LEPR: variants seen among roughly 807,000 people sequenced by gnomAD.
LEPR encodes the protein leptin receptor.
A neutral mutation model predicts 114.7 loss-of-function variants in LEPR; 56 were observed. That is an observed-to-expected ratio of 0.49 (90% CI 0.39 to 0.61). LEPR has a LOEUF of 0.61. Among genes scored for constraint, LEPR ranks in the 20% least tolerant of loss-of-function variants. The pLI is 0.00. For missense variants in LEPR, 1,202 were observed against 1,352.9 expected (o/e 0.89, Z 1.75); for synonymous variants, 443 against 461.4 (o/e 0.96, Z 0.51).
intron 12 of LEPR, 113 bp from the exon 13 acceptor site, chr1:65,609,834 C>A: frequency 1.4e-6 from 2 of 1,403,914 alleles, no homozygotes; most frequent in Non-Finnish European, 2.0e-6. Context: ...AACACAGAAT[C>A]AGTTCTCTTA....
Position 65,529,384 on chromosome 1 carries a change from T to G in LEPR, c.-20-36162T>G, listed in dbSNP as rs117215598. ...AAATATAAAAAAATTTATCCAGACC[T>G]GGTGGCAGGCGCCTGTAATCCCAGC... On this transcript the variant is annotated intron_variant, in intron 2 of 19. Transcript: ENST00000349533. Among the ~76,000 whole-genome samples the G allele has an allele frequency of 3.8e-4, 57 of 151,920 alleles. No homozygotes were observed. In the East Asian group the frequency reaches 0.011, roughly 29 times the overall value.
chr1:65,429,932 G>C (rs745942959), intron 2 of LEPR: 55 of 1,558,812 alleles, frequency 3.5e-5, no homozygotes, highest in Non-Finnish European at 4.8e-5. Context: ...TGCCAAAAGA[G>C]TCACCTATGA....
At chr1:65,588,252 T>C (rs1406095367) in intron 5 of LEPR, among the ~76,000 whole-genome samples, 1 of 152,060 alleles carries the variant, frequency 6.6e-6, no homozygotes, top group Non-Finnish European at 1.5e-5. Context: ...CTTGGTTGCA[T>C]GCTATTATTT....
chr1:65,425,834 A>G (rs543779325), intron 2 of LEPR, among the ~76,000 whole-genome samples: 2 of 152,214 alleles, frequency 1.3e-5, no homozygotes, highest in Non-Finnish European at 2.9e-5. Context: ...TGGATGAATA[A>G]GAGTTTTTCA....
rs143903815 is a variant in LEPR at position 65,600,756 on chromosome 1, C to T, written c.995-636C>T. 1.5e-3 allele frequency among the ~76,000 whole-genome samples: 234 copies of T among 152,102 alleles called. 1 individual carries two copies. Among genetic ancestry groups the T allele is most frequent in the Middle Eastern group, 0.01 (3 of 294 alleles). ...AAAAAATCATGTTTTAGGAAAATAT[C>T]GCTTCCCTTTACCCTCATCCATAGG... On this transcript the variant is annotated intron_variant, in intron 8 of 19. Coordinates refer to ENST00000349533, the MANE Select transcript of LEPR (RefSeq NM_002303.6).
intron 2 of LEPR, among the ~76,000 whole-genome samples, chr1:65,503,756 A>C (rs1460535807): frequency 2.6e-5 from 4 of 151,782 alleles, no homozygotes; most frequent in Admixed American, 6.6e-5. Context: ...ACGTTTACAT[A>C]TAGAAATATT....
At chr1:65,550,478 G>A (rs61779853) in intron 2 of LEPR, among the ~76,000 whole-genome samples, 1 of 152,232 alleles carries the variant, frequency 6.6e-6, no homozygotes, top group South Asian at 2.1e-4. Flanking sequence ...CCCAGTTCGA[G>A]CTTCCTGGCT....
At chr1:65,478,912 G>A (rs954358864) in intron 2 of LEPR, among the ~76,000 whole-genome samples, 2 of 152,142 alleles carry the variant, frequency 1.3e-5, no homozygotes, top group African/African-American at 4.8e-5. Flanking sequence ...AAGGAGTGGA[G>A]AAGAAAAAAA....
intron 2 of LEPR, among the ~76,000 whole-genome samples, chr1:65,499,228 A>T (rs930788835): frequency 1.3e-5 from 2 of 152,126 alleles, no homozygotes; most frequent in African/African-American, 4.8e-5. Context: ...CATAGGAAAG[A>T]TGGGGGGAAA....
intron 2 of LEPR, among the ~76,000 whole-genome samples, chr1:65,558,439 C>T (rs1652983477): frequency 7.1e-6 from 1 of 141,744 alleles, no homozygotes; most frequent in Non-Finnish European, 1.5e-5. Context: ...CATGTGGTGC[C>T]AATTCTCACT....
chr1:65,465,296 C>G (rs1208310496), intron 2 of LEPR, among the ~76,000 whole-genome samples: 1 of 152,186 alleles, frequency 6.6e-6, no homozygotes, highest in Non-Finnish European at 1.5e-5. Flanking sequence ...TGTAGTCATT[C>G]AGGAGCAAGT....
At chr1:65,541,729 A>G (rs1048562380) in intron 2 of LEPR, among the ~76,000 whole-genome samples, 5 of 152,186 alleles carry the variant, frequency 3.3e-5, no homozygotes, top group Non-Finnish European at 7.4e-5. Flanking sequence ...TTAAATGCTT[A>G]TTTAAGTGAG....
intron 2 of LEPR, among the ~76,000 whole-genome samples, chr1:65,548,077 T>A (rs1047207074): frequency 6.6e-6 from 1 of 152,144 alleles, no homozygotes; most frequent in African/African-American, 2.4e-5. Context: ...CCAGTAGTCA[T>A]TCAGGAGCAG....
At chr1:65,588,267 T>C (rs1655452408) in intron 5 of LEPR, among the ~76,000 whole-genome samples, 1 of 152,040 alleles carries the variant, frequency 6.6e-6, no homozygotes, top group Non-Finnish European at 1.5e-5. Context: ...TTATTTTTTA[T>C]GCCCTGTATT....
chr1:65,498,479 T>C (rs1464274275), intron 2 of LEPR, among the ~76,000 whole-genome samples: 3 of 151,910 alleles, frequency 2.0e-5, no homozygotes, highest in South Asian at 4.2e-4. Context: ...AAATGCAGAG[T>C]AGATGGATAA....
At position 65,640,150 on chromosome 1, in the gene LEPR, A is replaced by G. The variant is rs944840057; in HGVS notation, c.*3135A>G. ...ATATATATGGTCACATTACTTCAGG[A>G]ATATTTATATTACCTCCTCCAAAAC... On this transcript the variant is annotated 3_prime_UTR_variant, in exon 20 of 20. Transcript: ENST00000349533. 6.6e-6 allele frequency: 1 copy of G among 152,124 alleles called. No individual in the cohort carries two copies. Among genetic ancestry groups the G allele is most frequent in the Non-Finnish European group, 1.5e-5 (1 of 68,028 alleles). The allele number at this position is 152,124 out of a possible 1,614,324, so 9.4% of individuals were successfully genotyped here. A position where few individuals can be genotyped will look rare whatever the true frequency, so the allele number is the denominator to read the frequency against.
intron 2 of LEPR, among the ~76,000 whole-genome samples, chr1:65,540,741 A>G (rs1416993264): frequency 6.6e-6 from 1 of 152,164 alleles, no homozygotes; most frequent in Non-Finnish European, 1.5e-5. Context: ...TTTGCTGCTG[A>G]TCGCTCTCTC....
intron 2 of LEPR, among the ~76,000 whole-genome samples, chr1:65,555,248 A>G (rs1310208621): frequency 1.3e-5 from 2 of 152,244 alleles, no homozygotes; most frequent in East Asian, 1.9e-4. Flanking sequence ...ATGTTCTCAC[A>G]TAAGAAGCTG....
At chr1:65,607,993 C>T (rs997993007) in intron 11 of LEPR, among the ~76,000 whole-genome samples, 1 of 152,110 alleles carries the variant, frequency 6.6e-6, no homozygotes, top group Non-Finnish European at 1.5e-5. Context: ...CCATCTTTGC[C>T]TCTATTACTG....
Sources: gnomAD v4.1 joint callset for allele counts (sites outside exome capture counted in the v4.1 genomes callset) on GRCh38, gnomAD v4.1.1 for gene constraint, MANE v1.5 for transcripts, NCBI Gene and HGNC (gene_info 2026-07-23, HGNC 2026-07-21) for gene names.